TP73: variants seen among roughly 807,000 people sequenced by gnomAD.
The protein encoded by TP73 is p53-like transcription factor.
In TP73, 25 loss-of-function variants were observed where a neutral mutation model predicts 62.5. The observed-to-expected ratio is 0.40, with a 90% CI of 0.29 to 0.56. The LOEUF (loss-of-function observed/expected upper bound fraction) is 0.56, where lower values mean the gene tolerates loss of function less well. Ranked by LOEUF, TP73 falls within the 20% of genes least tolerant of loss-of-function variation. TP73 has a pLI of 0.46. For synonymous variants in TP73, 423 were observed against 377.5 expected, an observed-to-expected ratio of 1.12 and a Z score of -1.40; for missense variants, 754 against 913.3, an observed-to-expected ratio of 0.83 and a Z score of 2.25.
intron 3 of TP73, among the ~76,000 whole-genome samples, chr1:3,703,494 C>T (rs1639382782): frequency 1.3e-5 from 2 of 152,218 alleles, no homozygotes; most frequent in Non-Finnish European, 2.9e-5. Context: ...AGGATTCCCG[C>T]GTGGGGCCGC....
intron 8 of TP73, 49 bp downstream of exon 8, chr1:3,727,819 C>T: frequency 6.7e-7 from 1 of 1,481,598 alleles, no homozygotes; most frequent in Non-Finnish European, 9.0e-7. Flanking sequence ...GAGAAGGGGA[C>T]ACATTGGCAG....
In TP73 at chr1:3,733,060, C is replaced by T. The variant is rs761092104; in HGVS notation, c.1892C>T (p.Thr631Met). 7.6e-5 allele frequency: 117 copies of T among 1,537,114 alleles called. No homozygotes were observed. Among genetic ancestry groups the T allele is most frequent in the Non-Finnish European group, 9.9e-5 (113 of 1,146,326 alleles). The change falls in exon 14 of 14, where the codon ACG becomes ATG. Residue 631 changes from threonine to methionine, a missense_variant. Thr to Met is a moderately conservative substitution (Grantham distance 81). This residue lies in a region of TP73 where 458 missense variants were observed against 528.7 expected (regional missense o/e 0.87). Coordinates refer to ENST00000378295, the MANE Select transcript of TP73 (RefSeq NM_005427.4). ...ARKQPIKEEF[T>M]EAEIH ...AAGCAGCCCATCAAGGAGGAGTTCA[C>T]GGAGGCCGAGATCCACTGAGGGCCT...
intron 3 of TP73, chr1:3,690,876 C>T (rs1336428985): frequency 6.4e-7 from 1 of 1,565,252 alleles, no homozygotes; most frequent in Admixed American, 1.9e-5. Context: ...CACCAGTTCC[C>T]TGGCGTGTGC....
chr1:3,724,034 G>A (rs1055990880), intron 6 of TP73, among the ~76,000 whole-genome samples: 2 of 152,158 alleles, frequency 1.3e-5, no homozygotes, highest in Non-Finnish European at 2.9e-5. Flanking sequence ...CCACGTGGGT[G>A]GGGGGTGCAG....
In TP73 at chr1:3,662,439, G is replaced by C. The variant is rs1645016801; in HGVS notation, c.-34+9798G>C. Among the ~76,000 whole-genome samples, 2 of 152,234 alleles carry C rather than the reference G, an allele frequency of 1.3e-5. No homozygotes were observed. Among genetic ancestry groups the C allele is most frequent in the South Asian group, 4.1e-4 (2 of 4,832 alleles). On this transcript the variant is annotated intron_variant, in intron 1 of 13. Coordinates refer to ENST00000378295, the MANE Select transcript of TP73 (RefSeq NM_005427.4). The surrounding 1 kb of genome is among the most constrained non-coding windows in gnomAD (Gnocchi z 4.4). ...GATACAGGACTGTGGGGCTGCTGCA[G>C]GCTGAACCAGCTATAGCAGGGGAGT...
chr1:3,684,984 C>T (rs1317433179), intron 3 of TP73, among the ~76,000 whole-genome samples: 1 of 152,158 alleles, frequency 6.6e-6, no homozygotes, highest in Non-Finnish European at 1.5e-5. Context: ...CCCACCCCCT[C>T]CAGGTCCCCT....
At position 3,728,229 on chromosome 1, in the gene TP73, C is replaced by T. The variant is rs771533608; in HGVS notation, c.1074+12C>T. On this transcript the variant is annotated intron_variant, in intron 9 of 13. Coordinates refer to ENST00000378295, the MANE Select transcript of TP73 (RefSeq NM_005427.4). ...CGTACTACCTTCAGGTGAGTGTGTG[C>T]TCCTGCACGGCAGCCGGGAGACCTG... is the stretch of plus-strand genomic sequence containing the variant. 6.2e-7 allele frequency: 1 copy of T among 1,609,740 alleles called. No individual in the cohort carries two copies. Among genetic ancestry groups the T allele is most frequent in the Non-Finnish European group, 8.5e-7 (1 of 1,179,126 alleles).
chr1:3,693,083 G>A (rs1205297864), intron 3 of TP73, among the ~76,000 whole-genome samples: 1 of 149,884 alleles, frequency 6.7e-6, no homozygotes, highest in East Asian at 1.9e-4. Flanking sequence ...CCAGGAGCAG[G>A]TGGAGGCAGT....
intron 1 of TP73, among the ~76,000 whole-genome samples, chr1:3,676,905 C>T (rs985605426): frequency 6.6e-6 from 1 of 151,490 alleles, no homozygotes; most frequent in Non-Finnish European, 1.5e-5. Context: ...GGGTGCTAAG[C>T]AGCATCCCTG....
chr1:3,676,714 C>T (rs1223583573), intron 1 of TP73, among the ~76,000 whole-genome samples: 1 of 152,142 alleles, frequency 6.6e-6, no homozygotes, highest in East Asian at 1.9e-4. Flanking sequence ...GGGCCAGCCA[C>T]TGGGCCTCCT....
At chr1:3,680,865 G>A (rs569249321) in intron 1 of TP73, among the ~76,000 whole-genome samples, 14 of 152,362 alleles carry the variant, frequency 9.2e-5, no homozygotes, top group African/African-American at 3.4e-4. Context: ...GCCACGTGAT[G>A]GTGAAGTGGG....
chr1:3,730,170 G>A, intron 11 of TP73, 22 bp downstream of exon 11: 1 of 1,512,216 alleles, frequency 6.6e-7, no homozygotes, highest in Non-Finnish European at 8.9e-7. Context: ...GGGCAGTGCG[G>A]GCCCACGGGC....
chr1:3,655,106 G>C (rs1463456703), intron 1 of TP73, among the ~76,000 whole-genome samples: 1 of 152,246 alleles, frequency 6.6e-6, no homozygotes, highest in East Asian at 1.9e-4. Context: ...ATCCTTTAAG[G>C]CCAGGCGCCG....
intron 3 of TP73, among the ~76,000 whole-genome samples, chr1:3,691,809 G>A (rs1240318314): frequency 1.3e-5 from 2 of 152,252 alleles, no homozygotes; most frequent in Admixed American, 1.3e-4. Flanking sequence ...CGGGCAGATA[G>A]GCAGAGTCCA....
At chr1:3,703,322 G>C (rs114298302) in intron 3 of TP73, among the ~76,000 whole-genome samples, 10 of 152,254 alleles carry the variant, frequency 6.6e-5, no homozygotes, top group African/African-American at 2.4e-4. Flanking sequence ...CCCCCACCCC[G>C]TGTCACTGAG....
At chr1:3,685,617 A>T (rs1645633706) in intron 3 of TP73, among the ~76,000 whole-genome samples, 3 of 152,172 alleles carry the variant, frequency 2.0e-5, no homozygotes, top group Admixed American at 6.5e-5. Context: ...GCCAGGTACA[A>T]AGACAGAGAC....
intron 6 of TP73, among the ~76,000 whole-genome samples, 164 bp downstream of exon 6, chr1:3,723,633 C>T (rs1221343769): frequency 1.3e-5 from 2 of 152,146 alleles, no homozygotes; most frequent in South Asian, 2.1e-4. Flanking sequence ...TCTGTGTCGG[C>T]GGCTCCTTCC....
At chr1:3,680,421 C>T (rs986339042) in intron 1 of TP73, among the ~76,000 whole-genome samples, 10 of 152,182 alleles carry the variant, frequency 6.6e-5, no homozygotes, top group African/African-American at 2.4e-4. Context: ...TCTCTGGACT[C>T]AGGTGGCCCA....
chr1:3,693,535 G>A (rs931544186), intron 3 of TP73, among the ~76,000 whole-genome samples: 2 of 152,134 alleles, frequency 1.3e-5, no homozygotes, highest in African/African-American at 2.4e-5. Context: ...GGTCAGTGAC[G>A]CCGCTCTCTG....
Sources: gnomAD v4.1 joint callset for allele counts (sites outside exome capture counted in the v4.1 genomes callset) on GRCh38, gnomAD v4.1.1 for gene constraint, gnomAD v4.1.1 regional missense constraint, Gnocchi (gnomAD v3.1) non-coding constraint, MANE v1.5 for transcripts, NCBI Gene and HGNC (gene_info 2026-07-23, HGNC 2026-07-21) for gene names.